Variants in RALGPS1 observed in about 807,000 individuals in gnomAD.
The protein encoded by RALGPS1 is Ral GEF with PH domain and SH3 binding motif 1.
RALGPS1 carries 19 observed loss-of-function variants against 78.8 expected under a neutral mutation model. The observed-to-expected ratio is 0.24, with a 90% CI of 0.17 to 0.35. The LOEUF (loss-of-function observed/expected upper bound fraction) is 0.35, where lower values mean the gene tolerates loss of function less well. Among genes scored for constraint, RALGPS1 ranks in the 10% least tolerant of loss-of-function variants. The pLI, the probability that RALGPS1 is intolerant of heterozygous loss-of-function variation, is 1.00. For synonymous variants in RALGPS1, 228 were observed against 256.3 expected (o/e 0.89, Z 1.06); for missense variants, 454 against 688.3 (o/e 0.66, Z 3.81).
At chr9:127,059,457 A>G (rs1437550377) in intron 7 of RALGPS1, among the ~76,000 whole-genome samples, 1 of 152,152 alleles carries the variant, frequency 6.6e-6, no homozygotes, top group Non-Finnish European at 1.5e-5. Flanking sequence ...TGACATTGCT[A>G]CAACAATGGA....
In RALGPS1 at chr9:127,050,788, G is replaced by T. The variant is rs201295316; in HGVS notation, c.390+656G>T. Among the ~76,000 whole-genome samples, 7 of 152,254 alleles carry T rather than the reference G, an allele frequency of 4.6e-5. No individual in the cohort carries two copies. The East Asian group carries it at 1.4e-3, about 29-fold the overall frequency. On this transcript the variant is annotated intron_variant, in intron 6 of 18. Coordinates refer to ENST00000259351, the MANE Select transcript of RALGPS1 (RefSeq NM_014636.3). ...CCATACACTGGTTTCAACCACCCAG[G>T]CTTGCCTGACTCTCAGCCGCAGCAT...
chr9:126,993,945 C>T (rs577315501), intron 4 of RALGPS1, among the ~76,000 whole-genome samples: 40 of 152,258 alleles, frequency 2.6e-4, no homozygotes, highest in African/African-American at 5.1e-4. Flanking sequence ...TAGCAAACTC[C>T]GACAGACCTG....
intron 13 of RALGPS1, 152 bp downstream of exon 13, chr9:127,196,783 G>A (rs916175936): frequency 1.1e-6 from 1 of 919,888 alleles, no homozygotes; most frequent in African/African-American, 1.7e-5. Flanking sequence ...GTGGCTGCCT[G>A]CAGGAATCGC....
chr9:127,045,764 C>T (rs201057087), intron 5 of RALGPS1, among the ~76,000 whole-genome samples: 392 of 16,662 alleles, frequency 0.024, 1 homozygote, highest in Non-Finnish European at 0.033. Context: ...CACACACATA[C>T]ACACACACAC....
intron 12 of RALGPS1, 48 bp downstream of exon 12, chr9:127,195,265 C>T (rs761738566): frequency 2.4e-5 from 38 of 1,596,976 alleles, no homozygotes; most frequent in Non-Finnish European, 3.1e-5. Context: ...CCGTCCTGCA[C>T]ATGGGCCTGG....
At position 127,049,978 on chromosome 9, in the gene RALGPS1, G is replaced by A. The variant is rs1403088690; in HGVS notation, c.301-65G>A. On this transcript the variant is annotated intron_variant, in intron 5 of 18. Coordinates refer to ENST00000259351, the MANE Select transcript of RALGPS1 (RefSeq NM_014636.3). Reference sequence around the variant, plus strand: ...ACAGCGGTGGGCAAGGGGGACACGGGTGGTCCAGCAATTAACAACTTTTCT... The same window carrying A: ...ACAGCGGTGGGCAAGGGGGACACGGATGGTCCAGCAATTAACAACTTTTCT... 4 of 1,179,278 alleles carry A rather than the reference G, an allele frequency of 3.4e-6. No individual in the cohort carries two copies. In the African/African-American group the frequency reaches 4.5e-5, roughly 13 times the overall value. 73.1% of individuals were successfully genotyped at this position (1,179,278 alleles called of 1,614,324 possible).
chr9:127,175,677 CTTTTTTTTTTTTTTT>C (rs11354346), intron 11 of RALGPS1, among the ~76,000 whole-genome samples: 1 of 108,982 alleles, frequency 9.2e-6, no homozygotes, highest in South Asian at 2.9e-4. Context: ...TTTGGGCCTC[CTTTTTTTTTTTTTTT>C]TTTTTTTTTA....
intron 17 of RALGPS1, 64 bp downstream of exon 17, chr9:127,213,113 G>T: frequency 6.3e-7 from 1 of 1,592,340 alleles, no homozygotes; most frequent in East Asian, 2.2e-5. Flanking sequence ...CTTGCACAGC[G>T]TGCATTTTGA....
intron 6 of RALGPS1, among the ~76,000 whole-genome samples, chr9:127,051,070 G>A (rs142243875): frequency 7.9e-5 from 12 of 152,292 alleles, no homozygotes; most frequent in Non-Finnish European, 7.3e-5. Flanking sequence ...CTGCCTTCAG[G>A]GAAGCTGCTC....
At chr9:127,157,188 G>A (rs977024048) in intron 8 of RALGPS1, among the ~76,000 whole-genome samples, 7 of 151,984 alleles carry the variant, frequency 4.6e-5, no homozygotes, top group African/African-American at 1.7e-4. Flanking sequence ...CCTCTTCCAA[G>A]TGAACTTTGG....
Position 127,220,627 on chromosome 9 carries a change from G to A in RALGPS1, c.*1858G>A, listed in dbSNP as rs1011113702. The A allele has an allele frequency of 6.6e-6, 1 of 152,216 alleles. No homozygotes were observed. 9.4% of individuals were successfully genotyped at this position (152,216 alleles called of 1,614,324 possible). A position where few individuals can be genotyped will look rare whatever the true frequency, so the allele number is the denominator to read the frequency against. ...TCAAATCAGCATCTAGAGGCTGAAT[G>A]ACAATGCCAAACACTCCACCTCTGA... On this transcript the variant is annotated 3_prime_UTR_variant, in exon 19 of 19. Coordinates refer to ENST00000259351, the MANE Select transcript of RALGPS1 (RefSeq NM_014636.3).
At chr9:127,094,571 T>C (rs998048236) in intron 8 of RALGPS1, among the ~76,000 whole-genome samples, 3 of 152,262 alleles carry the variant, frequency 2.0e-5, no homozygotes, top group Non-Finnish European at 4.4e-5. Context: ...TTTGGCCATG[T>C]AGCCAGAGAC....
chr9:126,937,406 C>T (rs1435760278), intron 1 of RALGPS1, among the ~76,000 whole-genome samples: 1 of 152,142 alleles, frequency 6.6e-6, no homozygotes, highest in Non-Finnish European at 1.5e-5. Flanking sequence ...CATTGTGTTA[C>T]AGAAGGAGAG....
At chr9:127,216,938 T>G (rs2062620315) in intron 18 of RALGPS1, 1 of 1,547,958 alleles carries the variant, frequency 6.5e-7, no homozygotes, top group Non-Finnish European at 8.7e-7. Context: ...CAACAGGAAC[T>G]GACAGCCACG....
At chr9:127,011,345 T>C (rs1436002233) in intron 4 of RALGPS1, among the ~76,000 whole-genome samples, 1 of 151,998 alleles carries the variant, frequency 6.6e-6, no homozygotes, top group Non-Finnish European at 1.5e-5. Context: ...GCCCGGCTAA[T>C]TTTTTGTGTT....
At chr9:126,953,626 A>C (rs2038071612) in intron 1 of RALGPS1, among the ~76,000 whole-genome samples, 1 of 152,156 alleles carries the variant, frequency 6.6e-6, no homozygotes, top group African/African-American at 2.4e-5. Context: ...ATGGGTCTTA[A>C]TGTATATAAA....
chr9:127,031,993 G>A (rs2046468496), intron 4 of RALGPS1, among the ~76,000 whole-genome samples: 1 of 152,224 alleles, frequency 6.6e-6, no homozygotes, highest in Admixed American at 6.5e-5. Flanking sequence ...ACAGTAAAGA[G>A]AGAATGGTGT....
At position 126,996,634 on chromosome 9, in the gene RALGPS1, A is replaced by C. The variant is rs908035784; in HGVS notation, c.216+18889A>C. The stretch of plus-strand genomic sequence containing the variant: ...AGGAGCTGATACCAATCCTTCTGAA[A>C]CTATTCCAATCAATAGAAAAAGAGG... On this transcript the variant is annotated intron_variant, in intron 4 of 18. Transcript: ENST00000259351. Among the ~76,000 whole-genome samples the C allele has an allele frequency of 6.2e-4, 94 of 152,256 alleles. 2 individuals carry two copies. Among genetic ancestry groups the C allele is most frequent in the Non-Finnish European group, 1.2e-3 (81 of 68,046 alleles).
chr9:127,079,258 G>A (rs546654272), intron 8 of RALGPS1, among the ~76,000 whole-genome samples: 24 of 152,286 alleles, frequency 1.6e-4, no homozygotes, highest in African/African-American at 5.1e-4. Context: ...TTCTACTGAC[G>A]CATTCTTATT....
Sources: gnomAD v4.1 joint callset for allele counts (sites outside exome capture counted in the v4.1 genomes callset) on GRCh38, gnomAD v4.1.1 for gene constraint, MANE v1.5 for transcripts, NCBI Gene and HGNC (gene_info 2026-07-23, HGNC 2026-07-21) for gene names.